CAMTA1: variants seen among roughly 807,000 people sequenced by gnomAD.
The protein encoded by CAMTA1 is calmodulin-binding transcription activator 1.
A neutral mutation model predicts 170.9 loss-of-function variants in CAMTA1; 27 were observed. The observed-to-expected ratio is 0.16, with a 90% CI of 0.12 to 0.22. The LOEUF is 0.22. Ranked by LOEUF, CAMTA1 falls within the 10% of genes least tolerant of loss-of-function variation. CAMTA1 has a pLI of 1.00. For synonymous variants in CAMTA1, 833 were observed against 891.5 expected (o/e 0.93, Z 1.17); for missense variants, 1,619 against 2,217.2 (o/e 0.73, Z 5.42).
chr1:7,390,155 C>G (rs1388444703), intron 5 of CAMTA1, among the ~76,000 whole-genome samples: 1 of 152,202 alleles, frequency 6.6e-6, no homozygotes, highest in Non-Finnish European at 1.5e-5. Context: ...TCCCCACCCT[C>G]TGAGGACCCT....
rs577993892 is a variant in CAMTA1, at chr1:7,489,180, AG to A, written c.510+21285del. Among the ~76,000 whole-genome samples, 596 of 152,320 alleles carry A rather than the reference AG, an allele frequency of 3.9e-3. 2 individuals are homozygous for A. The highest frequency in any genetic ancestry group is 0.014 in the African/African-American group (574 of 41,570). ...GCCACAGGTGGGCCCTGGCCTGGGA[AG>A]GGGGGCCATGATGCCTGCCGCCCCC... On this transcript the variant is annotated intron_variant, in intron 6 of 22. Transcript: ENST00000303635.
rs2095298294 is a variant in CAMTA1, at chr1:7,585,122, C to T, written c.511-55278C>T. 6.6e-6 allele frequency among the ~76,000 whole-genome samples: 1 copy of T among 152,184 alleles called. No individual in the cohort carries two copies. Among genetic ancestry groups the T allele is most frequent in the Admixed American group, 6.5e-5 (1 of 15,278 alleles). ...TGAACTGAGACTATAAGTAGCCTCA[C>T]ATCAGTTCAGGTCACGTTTTGCCAC... On this transcript the variant is annotated intron_variant, in intron 6 of 22. Transcript: ENST00000303635. The surrounding 1 kb of genome is among the most constrained non-coding windows in gnomAD (Gnocchi z 4.8).
Position 7,426,376 on chromosome 1 carries a change from G to A in CAMTA1, c.439-41454G>A, listed in dbSNP as rs989279164. On this transcript the variant is annotated intron_variant, in intron 5 of 22. Transcript: ENST00000303635. This position sits in a 1 kb window ranked among gnomAD's most constrained non-coding sequence, Gnocchi z 4.8. Reference sequence around the variant, plus strand: ...TGGTGTCAACTCCCATCCTGGCATCGGATATAGGACCAGCGGTAGTGATCT... The same window carrying A: ...TGGTGTCAACTCCCATCCTGGCATCAGATATAGGACCAGCGGTAGTGATCT... Among the ~76,000 whole-genome samples the A allele has an allele frequency of 2.0e-5, 3 of 152,118 alleles. No homozygotes were observed. The highest frequency in any genetic ancestry group is 4.8e-5 in the African/African-American group (2 of 41,408).
At chr1:7,135,753 G>A (rs1002803765) in intron 4 of CAMTA1, among the ~76,000 whole-genome samples, 4 of 152,178 alleles carry the variant, frequency 2.6e-5, no homozygotes, top group South Asian at 2.1e-4. Flanking sequence ...CACCTGGATC[G>A]CTGTCTCTTT....
chr1:6,939,002 C>T (rs544194301), intron 3 of CAMTA1, among the ~76,000 whole-genome samples: 6 of 152,324 alleles, frequency 3.9e-5, no homozygotes, highest in Non-Finnish European at 5.9e-5. Context: ...ATTTGTCATG[C>T]GTCCATTGTC....
Position 6,792,492 on chromosome 1 carries a change from A to C in CAMTA1, c.45+6917A>C, listed in dbSNP as rs143804369. ...TCCTGAGCATTTTTTTTTTTACCTC[A>C]TTACCCTGGACTTACAGAGAAATAT... On this transcript the variant is annotated intron_variant, in intron 1 of 22. Transcript: ENST00000303635. 7.6e-3 allele frequency among the ~76,000 whole-genome samples: 1,152 copies of C among 151,278 alleles called. 7 individuals are homozygous for C. The highest frequency in any genetic ancestry group is 0.012 in the Non-Finnish European group (817 of 67,836).
At chr1:7,475,508 C>T (rs2093406299) in intron 6 of CAMTA1, among the ~76,000 whole-genome samples, 1 of 152,224 alleles carries the variant, frequency 6.6e-6, no homozygotes, top group South Asian at 2.1e-4. Flanking sequence ...GCCTGCCAGA[C>T]CCTCTGCGCA....
chr1:7,527,967 G>A (rs1354341883), intron 6 of CAMTA1, among the ~76,000 whole-genome samples: 2 of 152,136 alleles, frequency 1.3e-5, no homozygotes, highest in Admixed American at 6.5e-5. Flanking sequence ...AGGGCGCAGC[G>A]GCAAGAGCCT....
At chr1:6,983,107 G>A (rs964697092) in intron 3 of CAMTA1, among the ~76,000 whole-genome samples, 1 of 152,170 alleles carries the variant, frequency 6.6e-6, no homozygotes, top group Non-Finnish European at 1.5e-5. Context: ...TCCAGATTGT[G>A]GCTCCTGTGT....
chr1:6,948,299 C>T (rs1687890328), intron 3 of CAMTA1, among the ~76,000 whole-genome samples: 1 of 152,130 alleles, frequency 6.6e-6, no homozygotes, highest in African/African-American at 2.4e-5. Context: ...AGGTACCAGC[C>T]AACCTGGTGG....
intron 5 of CAMTA1, among the ~76,000 whole-genome samples, chr1:7,255,495 C>T (rs1490396138): frequency 6.6e-6 from 1 of 152,094 alleles, no homozygotes; most frequent in Non-Finnish European, 1.5e-5. Flanking sequence ...ACTTCTGATT[C>T]TCCCCCGCCC....
At chr1:7,277,536 T>C (rs912000935) in intron 5 of CAMTA1, among the ~76,000 whole-genome samples, 2 of 150,822 alleles carry the variant, frequency 1.3e-5, no homozygotes, top group Non-Finnish European at 3.0e-5. Flanking sequence ...ATTTTTGAAT[T>C]AACTTACAGA....
chr1:7,656,466 G>A (rs979750807), intron 7 of CAMTA1, among the ~76,000 whole-genome samples: 2 of 152,206 alleles, frequency 1.3e-5, no homozygotes, highest in Admixed American at 6.5e-5. Context: ...TCACTTAACC[G>A]TAATTACCTC....
In CAMTA1 at chr1:6,824,284, T is replaced by C. The variant is rs973472041; in HGVS notation, c.116-808T>C. ...TGAGTCAGGCAAAGAAACTTTGTTA[T>C]AGGAGTGAAAAAATAAATGATATGT... On this transcript the variant is annotated intron_variant, in intron 2 of 22. Coordinates refer to ENST00000303635, the MANE Select transcript of CAMTA1 (RefSeq NM_015215.4). Among the ~76,000 whole-genome samples, 10 of 152,246 alleles carry C rather than the reference T, an allele frequency of 6.6e-5. No homozygotes were observed. The East Asian group carries it at 1.9e-3, about 29-fold the overall frequency.
At chr1:7,677,964 G>A (rs1158542579) in intron 11 of CAMTA1, among the ~76,000 whole-genome samples, 1 of 152,368 alleles carries the variant, frequency 6.6e-6, no homozygotes, top group Non-Finnish European at 1.5e-5. Context: ...CTCTCCCTGG[G>A]ACAGACTGAA....
At chr1:6,955,358 G>T (rs1024975375) in intron 3 of CAMTA1, among the ~76,000 whole-genome samples, 9 of 152,148 alleles carry the variant, frequency 5.9e-5, no homozygotes, top group Admixed American at 2.0e-4. Flanking sequence ...AGGAAGCTAG[G>T]GGCTGCAGTG....
rs768920662 is a variant in CAMTA1 at position 7,251,417 on chromosome 1, G to A, written c.438+1791G>A. Among the ~76,000 whole-genome samples the A allele has an allele frequency of 3.3e-5, 5 of 152,182 alleles. No individual in the cohort carries two copies. Among genetic ancestry groups the A allele is most frequent in the Non-Finnish European group, 5.9e-5 (4 of 68,034 alleles). On this transcript the variant is annotated intron_variant, in intron 5 of 22. Coordinates refer to ENST00000303635, the MANE Select transcript of CAMTA1 (RefSeq NM_015215.4). This position sits in a 1 kb window ranked among gnomAD's most constrained non-coding sequence, Gnocchi z 5.1. Reference sequence around the variant, plus strand: ...CCTCAGAACTTCGGGAAAGGGAGACGGGCAGGATGGGGAGGGGTTTCCATG... The same window carrying A: ...CCTCAGAACTTCGGGAAAGGGAGACAGGCAGGATGGGGAGGGGTTTCCATG...
chr1:7,653,957 G>T (rs964343200), intron 7 of CAMTA1, among the ~76,000 whole-genome samples: 1 of 152,146 alleles, frequency 6.6e-6, no homozygotes, highest in African/African-American at 2.4e-5. Flanking sequence ...GAATTCCCAC[G>T]AGGGCCCCTT....
rs1366524269 is a variant in CAMTA1, at chr1:7,681,841, C to T, written c.2914+4108C>T. The stretch of plus-strand genomic sequence containing the variant: ...TGGAGCTGAGGGGATGGGGCGGGCC[C>T]TCTTCTGGCCAAGGACACTGGGACA... On this transcript the variant is annotated intron_variant, in intron 11 of 22. Coordinates refer to ENST00000303635, the MANE Select transcript of CAMTA1 (RefSeq NM_015215.4). This position sits in a 1 kb window ranked among gnomAD's most constrained non-coding sequence, Gnocchi z 4.6. 6.6e-6 allele frequency among the ~76,000 whole-genome samples: 1 copy of T among 152,340 alleles called. No individual in the cohort carries two copies. Among genetic ancestry groups the T allele is most frequent in the African/African-American group, 2.4e-5 (1 of 41,584 alleles).
Sources: allele counts gnomAD v4.1 joint callset (sites outside exome capture counted in the v4.1 genomes callset), GRCh38; gene constraint gnomAD v4.1.1; non-coding constraint Gnocchi (gnomAD v3.1); transcripts MANE v1.5; gene names NCBI Gene and HGNC (gene_info 2026-07-23, HGNC 2026-07-21).